TDRD12: variants seen among roughly 807,000 people sequenced by gnomAD.
The protein encoded by TDRD12 is putative ATP-dependent RNA helicase TDRD12.
In TDRD12, 158 loss-of-function variants were observed where a neutral mutation model predicts 133.5. The observed-to-expected ratio is 1.18, with a 90% CI of 1.04 to 1.35. The LOEUF (loss-of-function observed/expected upper bound fraction) is 1.35. TDRD12 is among the 40% of genes most tolerant of loss of function. The pLI, the probability that TDRD12 is intolerant of heterozygous loss-of-function variation, is 0.00. For synonymous variants in TDRD12, 460 were observed against 477.9 expected, an observed-to-expected ratio of 0.96 and a Z score of 0.49; for missense variants, 1,443 against 1,321.3, an observed-to-expected ratio of 1.09 and a Z score of -1.43.
chr19:32,826,216 A>G, downstream of TDRD12: 17 of 1,504,388 alleles, frequency 1.1e-5, no homozygotes, highest in Non-Finnish European at 1.5e-5. Flanking sequence ...AATAAGATCA[A>G]TGAATGCGCA....
At chr19:32,782,653 G>A (rs986035833) in intron 11 of TDRD12, among the ~76,000 whole-genome samples, 2 of 152,010 alleles carry the variant, frequency 1.3e-5, no homozygotes, top group Admixed American at 6.6e-5. Context: ...TTTAATGATC[G>A]CCATTCTAAC....
intron 22 of TDRD12, among the ~76,000 whole-genome samples, chr19:32,809,773 A>G (rs1599616695): frequency 6.6e-6 from 1 of 152,376 alleles, no homozygotes; most frequent in East Asian, 1.9e-4. Context: ...CAGCAGTGCT[A>G]TTTTAAGAAG....
intron 11 of TDRD12, among the ~76,000 whole-genome samples, chr19:32,789,541 C>T (rs1406816042): frequency 6.6e-6 from 1 of 152,126 alleles, no homozygotes; most frequent in Non-Finnish European, 1.5e-5. Context: ...CTTGGTGACG[C>T]TGGTTTCACT....
intron 14 of TDRD12, among the ~76,000 whole-genome samples, chr19:32,796,651 A>G (rs1490003657): frequency 1.3e-5 from 2 of 152,108 alleles, no homozygotes; most frequent in Non-Finnish European, 2.9e-5. Flanking sequence ...ATATGTTTCT[A>G]TCTCCCAAAT....
intron 4 of TDRD12, among the ~76,000 whole-genome samples, chr19:32,744,124 A>G (rs1969518461): frequency 6.6e-6 from 1 of 151,890 alleles, no homozygotes; most frequent in South Asian, 2.1e-4. Flanking sequence ...TGTGATTGAC[A>G]TACTTGCTGT....
chr19:32,763,653 C>T (rs965446941), intron 8 of TDRD12, among the ~76,000 whole-genome samples: 2 of 152,200 alleles, frequency 1.3e-5, no homozygotes, highest in African/African-American at 4.8e-5. Flanking sequence ...CTGTGGTATT[C>T]ACTGTGAGAA....
chr19:32,783,859 T>G (rs76683480), intron 11 of TDRD12, among the ~76,000 whole-genome samples: 2 of 152,240 alleles, frequency 1.3e-5, no homozygotes, highest in Admixed American at 6.5e-5. Context: ...AAGGAAATTT[T>G]GGGCTGAGAT....
chr19:32,770,038 G>A (rs904593579), intron 8 of TDRD12, among the ~76,000 whole-genome samples: 1 of 151,006 alleles, frequency 6.6e-6, no homozygotes, highest in Non-Finnish European at 1.5e-5. Flanking sequence ...TGTCACCCAG[G>A]CTGGAGTGCA....
chr19:32,817,850 C>T (rs183467449), intron 26 of TDRD12, among the ~76,000 whole-genome samples: 75 of 149,774 alleles, frequency 5.0e-4, no homozygotes, highest in African/African-American at 1.8e-3. Flanking sequence ...CCCGTACACA[C>T]GACTGCTTTT....
intron 2 of TDRD12, among the ~76,000 whole-genome samples, chr19:32,735,707 C>A (rs1939326906): frequency 6.6e-6 from 1 of 152,206 alleles, no homozygotes; most frequent in African/African-American, 2.4e-5. Flanking sequence ...TGGTGGCTCA[C>A]ACCTGTAATC....
At chr19:32,774,016 G>A (rs1970511279) in intron 10 of TDRD12, among the ~76,000 whole-genome samples, 1 of 152,200 alleles carries the variant, frequency 6.6e-6, no homozygotes, top group East Asian at 1.9e-4. Context: ...CCAGATGGCA[G>A]CACAGGGTGG....
chr19:32,813,705 A>G, exon 25 of TDRD12: 1 of 1,533,476 alleles, frequency 6.5e-7, no homozygotes, highest in South Asian at 1.2e-5. Context: ...CATTCATCAT[A>G]AAATTGTTGG....
intron 4 of TDRD12, 82 bp downstream of exon 4, chr19:32,742,982 T>A: frequency 6.7e-7 from 1 of 1,495,936 alleles, no homozygotes; most frequent in Non-Finnish European, 9.0e-7. Context: ...AGTCAGTTCC[T>A]CTGTAGAAGT....
chr19:32,745,641 GAA>G (rs1969581036), intron 4 of TDRD12, among the ~76,000 whole-genome samples: 1 of 152,140 alleles, frequency 6.6e-6, no homozygotes, highest in Non-Finnish European at 1.5e-5. Context: ...GAGAGAGAGA[GAA>G]TGGCTGATGT....
intron 22 of TDRD12, among the ~76,000 whole-genome samples, chr19:32,808,048 A>C (rs934230723): frequency 6.6e-6 from 1 of 152,216 alleles, no homozygotes; most frequent in Non-Finnish European, 1.5e-5. Flanking sequence ...ACATAGTGAG[A>C]TCTTGTCTCT....
chr19:32,784,339 C>G (rs1475375939), intron 11 of TDRD12, among the ~76,000 whole-genome samples: 1 of 152,070 alleles, frequency 6.6e-6, no homozygotes, highest in African/African-American at 2.4e-5. Context: ...AGGGATGAAG[C>G]CGACTTGATC....
chr19:32,730,197 T>C lies in TDRD12; in HGVS notation c.25-1528T>C, dbSNP rs149593006. ...GGTGTTCTTATGCAGACTTTAGGGC[T>C]CCCCCTCTGTGGCTCTCCGTTTAGG... is the stretch of plus-strand genomic sequence containing the variant. On this transcript the variant is annotated intron_variant, in intron 1 of 27. Transcript: ENST00000444215. 1.3e-4 allele frequency among the ~76,000 whole-genome samples: 20 copies of C among 152,244 alleles called. No individual in the cohort carries two copies. The East Asian group carries it at 3.9e-3, about 29-fold the overall frequency.
chr19:32,743,490 C>T (rs1969497562), intron 4 of TDRD12, among the ~76,000 whole-genome samples: 2 of 152,008 alleles, frequency 1.3e-5, no homozygotes, highest in Non-Finnish European at 2.9e-5. Flanking sequence ...TTAAGCGATC[C>T]TCTCACCTTG....
At chr19:32,771,784 G>A (rs1275227354) in intron 8 of TDRD12, among the ~76,000 whole-genome samples, 2 of 152,250 alleles carry the variant, frequency 1.3e-5, no homozygotes, top group Middle Eastern at 3.4e-3. Flanking sequence ...AGAAGACCAC[G>A]TGACATGCAG....
Sources: gnomAD v4.1 joint callset for allele counts (sites outside exome capture counted in the v4.1 genomes callset) on GRCh38, gnomAD v4.1.1 for gene constraint, MANE v1.5 for transcripts, NCBI Gene and HGNC (gene_info 2026-07-23, HGNC 2026-07-21) for gene names.